MEIS2: variants seen among roughly 807,000 people sequenced by gnomAD.
MEIS2 encodes the protein homeobox protein Meis2.
A neutral mutation model predicts 58.6 loss-of-function variants in MEIS2; 9 were observed. The ratio of observed to expected loss-of-function variants is 0.15; its 90% CI spans 0.09 to 0.27. MEIS2 has a LOEUF of 0.27. MEIS2 is among the 10% of genes least tolerant of loss of function. The probability of loss-of-function intolerance (pLI) is 1.00; values close to 1 mark genes in which losing one functional copy is unlikely to be tolerated. For synonymous variants in MEIS2, 221 were observed against 228.4 expected (o/e 0.97, Z 0.29); for missense variants, 427 against 635.0 (o/e 0.67, Z 3.52).
At chr15:37,030,352 G>C (rs1217717497) in intron 8 of MEIS2, among the ~76,000 whole-genome samples, 1 of 151,926 alleles carries the variant, frequency 6.6e-6, no homozygotes, top group African/African-American at 2.4e-5. Flanking sequence ...CCTACTGAGG[G>C]GTATTTCCAT....
At chr15:36,901,424 C>A (rs551982118) in intron 9 of MEIS2, among the ~76,000 whole-genome samples, 2 of 152,238 alleles carry the variant, frequency 1.3e-5, no homozygotes, top group African/African-American at 4.8e-5. Context: ...AAGCTTAATG[C>A]CTTTGAAGAT....
At chr15:37,019,988 C>T (rs189363125) in intron 8 of MEIS2, among the ~76,000 whole-genome samples, 18 of 152,166 alleles carry the variant, frequency 1.2e-4, no homozygotes, top group African/African-American at 2.7e-4. Flanking sequence ...CCGGGGAGCT[C>T]GAACATAATT....
intron 9 of MEIS2, among the ~76,000 whole-genome samples, chr15:36,931,655 C>T (rs1340496891): frequency 6.6e-6 from 1 of 152,152 alleles, no homozygotes; most frequent in African/African-American, 2.4e-5. Flanking sequence ...GGGGTTGGGC[C>T]TATGCATCAC....
At chr15:37,014,877 A>G (rs952460464) in intron 8 of MEIS2, among the ~76,000 whole-genome samples, 4 of 149,940 alleles carry the variant, frequency 2.7e-5, no homozygotes, top group African/African-American at 9.8e-5. Context: ...TATCAGCACC[A>G]TAGATTTTTA....
chr15:36,926,532 T>C (rs576713337), intron 9 of MEIS2, among the ~76,000 whole-genome samples: 124 of 152,358 alleles, frequency 8.1e-4, no homozygotes, highest in African/African-American at 2.8e-3. Context: ...TTACATGTTC[T>C]GGGAAAGTAG....
intron 6 of MEIS2, among the ~76,000 whole-genome samples, chr15:37,087,695 A>T (rs1469613268): frequency 6.6e-6 from 1 of 152,226 alleles, no homozygotes; most frequent in African/African-American, 2.4e-5. Flanking sequence ...GAAGCAAATC[A>T]TATGTGTGCC....
chr15:36,969,885 T>G (rs1339235793), intron 8 of MEIS2, among the ~76,000 whole-genome samples: 1 of 151,082 alleles, frequency 6.6e-6, no homozygotes, highest in Admixed American at 6.7e-5. Flanking sequence ...TTGAGAACAA[T>G]GTCTTTTTGG....
At chr15:36,973,707 C>G (rs896885856) in intron 8 of MEIS2, among the ~76,000 whole-genome samples, 1 of 151,830 alleles carries the variant, frequency 6.6e-6, no homozygotes, top group African/African-American at 2.4e-5. Flanking sequence ...GGAGTAATGA[C>G]GTTCAAATAA....
chr15:36,913,516 C>T (rs929743881), intron 9 of MEIS2, among the ~76,000 whole-genome samples: 4 of 152,022 alleles, frequency 2.6e-5, no homozygotes, highest in South Asian at 2.1e-4. Context: ...ACCTACTGGC[C>T]GTTTCCAAAT....
chr15:37,098,222 AG>A, intron 1 of MEIS2, 23 bp from the exon 2 acceptor site: 2 of 1,535,770 alleles, frequency 1.3e-6, no homozygotes, highest in Non-Finnish European at 1.8e-6. Context: ...GGGAAGGGGG[AG>A]GGGGCGCAGG....
intron 7 of MEIS2, among the ~76,000 whole-genome samples, chr15:37,059,449 C>T (rs1478767367): frequency 1.3e-5 from 2 of 152,148 alleles, no homozygotes; most frequent in Non-Finnish European, 1.5e-5. Context: ...TGGCCTAGTA[C>T]TAAGCAATAG....
At chr15:36,971,632 C>A (rs2059576946) in intron 8 of MEIS2, among the ~76,000 whole-genome samples, 1 of 147,106 alleles carries the variant, frequency 6.8e-6, no homozygotes, top group Admixed American at 6.9e-5. Context: ...TAGAATGGAG[C>A]CTTCATAACA....
At chr15:36,995,150 C>T (rs1210023629) in intron 8 of MEIS2, among the ~76,000 whole-genome samples, 2 of 152,208 alleles carry the variant, frequency 1.3e-5, no homozygotes, top group South Asian at 2.1e-4. Flanking sequence ...ATGCAACAAA[C>T]GTCTCTGTTC....
At chr15:37,098,995 G>T in intron 1 of MEIS2, 1 of 983,728 alleles carries the variant, frequency 1.0e-6, no homozygotes, top group African/African-American at 1.8e-5. Flanking sequence ...GCGGCGCAGC[G>T]GCTGCGGCAG....
rs1291429225 is a variant in MEIS2, at chr15:36,966,666, G to GA, written c.901-16267dup. ...GAGTGCCAGGCACTGTTACAGGAGA[G>GA]AAAAATCTCTGACCTCATGGAATTT... On this transcript the variant is annotated intron_variant, in intron 8 of 11. Transcript: ENST00000561208. Among the ~76,000 whole-genome samples the GA allele has an allele frequency of 3.3e-5, 5 of 152,278 alleles. No homozygotes were observed. The East Asian group carries it at 9.7e-4, about 29-fold the overall frequency.
intron 7 of MEIS2, among the ~76,000 whole-genome samples, chr15:37,041,487 C>T (rs1415340458): frequency 1.3e-5 from 2 of 152,338 alleles, no homozygotes; most frequent in Middle Eastern, 3.4e-3. Context: ...GTCACGCATG[C>T]TTTCCTTAGC....
chr15:36,932,880 G>A (rs1010003058), intron 9 of MEIS2, among the ~76,000 whole-genome samples: 3 of 152,182 alleles, frequency 2.0e-5, no homozygotes, highest in Non-Finnish European at 4.4e-5. Context: ...GGAATTCATA[G>A]CCTCTTGCTA....
intron 5 of MEIS2, 157 bp from the exon 6 acceptor site, chr15:37,093,887 G>T: frequency 2.3e-6 from 2 of 872,280 alleles, no homozygotes; most frequent in Non-Finnish European, 3.6e-6. Flanking sequence ...GGGTGTAATA[G>T]TTGAAGGCAA....
chr15:36,911,038 C>G (rs1472130911), intron 9 of MEIS2, among the ~76,000 whole-genome samples: 1 of 121,154 alleles, frequency 8.3e-6, no homozygotes, highest in African/African-American at 3.2e-5. Flanking sequence ...GAGCGCGACT[C>G]TGTCTCAAAA....
Sources: allele counts gnomAD v4.1 joint callset (sites outside exome capture counted in the v4.1 genomes callset), GRCh38; gene constraint gnomAD v4.1.1; transcripts MANE v1.5; gene names NCBI Gene and HGNC (gene_info 2026-07-23, HGNC 2026-07-21).